LRRC4C: variants seen among roughly 807,000 people sequenced by gnomAD.
LRRC4C encodes the protein leucine-rich repeat-containing protein 4C.
A neutral mutation model predicts 33.6 loss-of-function variants in LRRC4C; 5 were observed. That is an observed-to-expected ratio of 0.15 (90% CI 0.08 to 0.31). The LOEUF (loss-of-function observed/expected upper bound fraction) is 0.31, where lower values mean the gene tolerates loss of function less well. Ranked by LOEUF, LRRC4C falls within the 10% of genes least tolerant of loss-of-function variation. The pLI is 1.00. For missense variants in LRRC4C, 560 were observed against 796.7 expected (o/e 0.70, Z 3.58); for synonymous variants, 329 against 302.0 (o/e 1.09, Z -0.93).
chr11:40,707,419 A>G (rs957540619), intron 2 of LRRC4C, among the ~76,000 whole-genome samples: 3 of 152,190 alleles, frequency 2.0e-5, no homozygotes, highest in South Asian at 2.1e-4. Flanking sequence ...TTTAGCATGA[A>G]GGGCTGTTGA....
Position 40,114,828 on chromosome 11 carries a change from C to T in LRRC4C, c.1465G>A (p.Val489Met). 1 of 1,614,098 alleles carries T rather than the reference C, an allele frequency of 6.2e-7. No individual in the cohort carries two copies. Among genetic ancestry groups the T allele is most frequent in the Non-Finnish European group, 8.5e-7 (1 of 1,180,010 alleles). The change falls in exon 7 of 7, where the codon GTG becomes ATG. Residue 489 changes from valine (V) to methionine (M), a missense_variant. Physicochemically the swap from Val to Met is conservative, Grantham distance 21 (BLOSUM62 1). This residue lies in a region of LRRC4C where 455 missense variants were observed against 643.8 expected (regional missense o/e 0.71). Transcript: ENST00000528697. ...CTCTGTGGTGTGAGAGAGGTGGTCA[C>T]ATTGGTGGTCTCCCAGTCGACCACT... ...TPVVDWETTNVTTSLTPQSTR... is the reference protein window; with the variant it reads ...TPVVDWETTNMTTSLTPQSTR...
At chr11:40,400,581 A>G (rs1293129279) in intron 3 of LRRC4C, among the ~76,000 whole-genome samples, 1 of 152,080 alleles carries the variant, frequency 6.6e-6, no homozygotes, top group Non-Finnish European at 1.5e-5. Context: ...TTTGGGATGT[A>G]TCCTCTAGCT....
chr11:40,213,045 C>A (rs1863719755), intron 5 of LRRC4C, among the ~76,000 whole-genome samples: 1 of 152,266 alleles, frequency 6.6e-6, no homozygotes, highest in East Asian at 1.9e-4. Context: ...CCTGGAAGTA[C>A]TTTCTTGTCC....
chr11:41,360,905 TTAAAG>T (rs1386383718), intron 1 of LRRC4C, among the ~76,000 whole-genome samples: 2 of 152,160 alleles, frequency 1.3e-5, no homozygotes, highest in Non-Finnish European at 1.5e-5. Context: ...AAAATAAAAA[TTAAAG>T]TATTTACTCA....
intron 2 of LRRC4C, among the ~76,000 whole-genome samples, chr11:40,787,072 G>A (rs547703941): frequency 1.3e-5 from 2 of 152,190 alleles, no homozygotes; most frequent in Non-Finnish European, 2.9e-5. Context: ...GTTTTACCAG[G>A]AGCTGAAGAG....
At chr11:41,402,059 G>T (rs768129618) in intron 1 of LRRC4C, among the ~76,000 whole-genome samples, 1 of 151,916 alleles carries the variant, frequency 6.6e-6, no homozygotes, top group Admixed American at 6.6e-5. Flanking sequence ...CTTGTCCTTT[G>T]TCCTGAAAAG....
At chr11:40,768,439 C>A (rs980497470) in intron 2 of LRRC4C, among the ~76,000 whole-genome samples, 1 of 151,954 alleles carries the variant, frequency 6.6e-6, no homozygotes, top group Non-Finnish European at 1.5e-5. Flanking sequence ...GATAGAGGAG[C>A]AGGAACACCT....
At chr11:40,574,527 A>G (rs1958107434) in intron 3 of LRRC4C, among the ~76,000 whole-genome samples, 1 of 152,230 alleles carries the variant, frequency 6.6e-6, no homozygotes, top group South Asian at 2.1e-4. Flanking sequence ...ACATTAGTAC[A>G]AATGCAGACC....
chr11:40,693,608 A>G (rs1331886463), intron 2 of LRRC4C, among the ~76,000 whole-genome samples: 1 of 152,122 alleles, frequency 6.6e-6, no homozygotes, highest in Non-Finnish European at 1.5e-5. Context: ...AAGTTACTAC[A>G]ATGACTTAGG....
rs531322984 is a variant in LRRC4C at position 40,451,022 on chromosome 11, G to A, written c.-269-131301C>T. ...ATGTAAGAAAAATAGTTATTAGATG[G>A]AAGTTAATAGATGTAACTCTCTCTA... On this transcript the variant is annotated intron_variant, in intron 3 of 6. Transcript: ENST00000528697. Among the ~76,000 whole-genome samples the A allele has an allele frequency of 2.0e-5, 3 of 151,564 alleles. No individual in the cohort carries two copies. In the South Asian group the frequency reaches 6.2e-4, roughly 31 times the overall value.
In LRRC4C at chr11:40,628,895, C is replaced by G. The variant is rs200115341; in HGVS notation, c.-270+19247G>C. On this transcript the variant is annotated intron_variant, in intron 3 of 6. Transcript: ENST00000528697. The stretch of plus-strand genomic sequence containing the variant: ...TTCAATTAGTACATTGATTAATTTT[C>G]TTATATAATTATGCTTAATATGAAG... 4.6e-5 allele frequency among the ~76,000 whole-genome samples: 7 copies of G among 152,156 alleles called. No homozygotes were observed. The East Asian group carries it at 1.4e-3, about 29-fold the overall frequency.
chr11:40,393,178 T>G (rs1949403910), intron 3 of LRRC4C, among the ~76,000 whole-genome samples: 1 of 152,078 alleles, frequency 6.6e-6, no homozygotes, highest in Non-Finnish European at 1.5e-5. Flanking sequence ...CATAATCAGT[T>G]CAATAGGGAT....
At chr11:40,900,929 T>G (rs549833485) in intron 2 of LRRC4C, among the ~76,000 whole-genome samples, 7 of 152,208 alleles carry the variant, frequency 4.6e-5, no homozygotes, top group Non-Finnish European at 8.8e-5. Context: ...GAAAGTTATC[T>G]GTCATTTTCT....
At chr11:40,203,048 G>T (rs1404816114) in intron 5 of LRRC4C, among the ~76,000 whole-genome samples, 1 of 152,136 alleles carries the variant, frequency 6.6e-6, no homozygotes, top group Non-Finnish European at 1.5e-5. Flanking sequence ...GTGCCCAAGT[G>T]AACTCCCCAG....
intron 2 of LRRC4C, among the ~76,000 whole-genome samples, chr11:40,719,036 G>A (rs992737727): frequency 1.3e-5 from 2 of 152,070 alleles, no homozygotes; most frequent in Non-Finnish European, 2.9e-5. Flanking sequence ...TCTTTTGACG[G>A]CCCTTGCTGA....
At chr11:41,367,087 T>A (rs1952571174) in intron 1 of LRRC4C, among the ~76,000 whole-genome samples, 1 of 152,182 alleles carries the variant, frequency 6.6e-6, no homozygotes, top group African/African-American at 2.4e-5. Flanking sequence ...GCTTTATGAC[T>A]AATCCAAAGA....
rs1231027008 is a variant in LRRC4C at position 41,451,005 on chromosome 11, C to T, written c.-496+8426G>A. On this transcript the variant is annotated intron_variant, in intron 1 of 6. Transcript: ENST00000528697. ...TTTTTGGTTCTGAATCCTGTGCTGC[C>T]TTGTTTAGCAAGTTAATTGCTCCTC... Among the ~76,000 whole-genome samples the T allele has an allele frequency of 2.0e-5, 3 of 151,998 alleles. No individual in the cohort carries two copies. The South Asian group carries it at 6.2e-4, about 31-fold the overall frequency.
intron 3 of LRRC4C, among the ~76,000 whole-genome samples, chr11:40,400,957 A>G (rs1392551853): frequency 1.3e-5 from 2 of 152,128 alleles, no homozygotes; most frequent in African/African-American, 2.4e-5. Context: ...TGTAATGACT[A>G]TCTTGTTTAA....
At chr11:40,877,135 T>C (rs1027579782) in intron 2 of LRRC4C, among the ~76,000 whole-genome samples, 1 of 63,736 alleles carries the variant, frequency 1.6e-5, no homozygotes, top group Non-Finnish European at 5.9e-5. Flanking sequence ...GTGACATTTT[T>C]TTTTGGCTAG....
Sources: allele counts gnomAD v4.1 joint callset (sites outside exome capture counted in the v4.1 genomes callset), GRCh38; gene constraint gnomAD v4.1.1; regional missense constraint gnomAD v4.1.1; transcripts MANE v1.5; gene names NCBI Gene and HGNC (gene_info 2026-07-23, HGNC 2026-07-21).